SBF2: variants seen among roughly 807,000 people sequenced by gnomAD.
The protein encoded by SBF2 is SET binding factor 2, also known as myotubularin-related protein 13.
SBF2 carries 112 observed loss-of-function variants against 225.2 expected under a neutral mutation model. The observed-to-expected ratio is 0.50, with a 90% CI of 0.43 to 0.58. SBF2 has a LOEUF of 0.58. SBF2 is among the 20% of genes least tolerant of loss of function. The probability of loss-of-function intolerance (pLI) is 0.00; values close to 1 mark genes in which losing one functional copy is unlikely to be tolerated. For missense variants in SBF2, 1,996 were observed against 2,206.2 expected, an observed-to-expected ratio of 0.90 and a Z score of 1.91; for synonymous variants, 763 against 773.3, an observed-to-expected ratio of 0.99 and a Z score of 0.22.
intron 2 of SBF2, among the ~76,000 whole-genome samples, chr11:10,045,128 A>C (rs1019306124): frequency 6.6e-6 from 1 of 151,434 alleles, no homozygotes; most frequent in African/African-American, 2.4e-5. Flanking sequence ...GACTCAAGGA[A>C]CACAAAAAGG....
intron 16 of SBF2, chr11:9,959,907 G>A (rs934098455): frequency 2.2e-5 from 8 of 360,908 alleles, no homozygotes; most frequent in African/African-American, 1.3e-4. Flanking sequence ...TCCCATTCTC[G>A]GCTCTGCCTT....
rs1327909131 is a variant in SBF2, at chr11:9,958,824, C to T, written c.1860+3133G>A. The T allele has an allele frequency of 6.6e-5, 38 of 579,834 alleles. 1 individual carries two copies. Among genetic ancestry groups the T allele is most frequent in the East Asian group, 1.4e-4 (4 of 27,868 alleles). 35.9% of individuals were successfully genotyped at this position (579,834 alleles called of 1,614,324 possible). A position where few individuals can be genotyped will look rare whatever the true frequency, so the allele number is the denominator to read the frequency against. ...TCTGTCACCGAAAATGGGTCACAGT[C>T]GGCAGAGAGGCAATGATCTTCAAAG... is the stretch of plus-strand genomic sequence containing the variant. On this transcript the variant is annotated intron_variant, in intron 16 of 39. Coordinates refer to ENST00000256190, the MANE Select transcript of SBF2 (RefSeq NM_030962.4).
chr11:10,085,294 TA>T (rs1419968182), intron 2 of SBF2, among the ~76,000 whole-genome samples: 2 of 152,212 alleles, frequency 1.3e-5, no homozygotes, highest in East Asian at 3.8e-4. Context: ...ATTACATGAA[TA>T]TTACAGCCTT....
At chr11:9,831,980 A>G (rs755648111) in intron 27 of SBF2, among the ~76,000 whole-genome samples, 2 of 152,236 alleles carry the variant, frequency 1.3e-5, no homozygotes, top group East Asian at 3.8e-4. Flanking sequence ...AGACTTTATT[A>G]TATTAATTTC....
chr11:9,939,889 T>A (rs182609205), intron 16 of SBF2, among the ~76,000 whole-genome samples: 17 of 152,232 alleles, frequency 1.1e-4, no homozygotes, highest in African/African-American at 4.1e-4. Context: ...AACTGTGGAG[T>A]AAGTCATCCT....
chr11:9,861,956 G>A (rs985585988), intron 17 of SBF2, among the ~76,000 whole-genome samples: 1 of 152,182 alleles, frequency 6.6e-6, no homozygotes, highest in African/African-American at 2.4e-5. Flanking sequence ...GAGTGACAGT[G>A]GCCCAAAGGG....
At chr11:10,242,959 G>C (rs1165984324) in intron 1 of SBF2, among the ~76,000 whole-genome samples, 1 of 151,992 alleles carries the variant, frequency 6.6e-6, no homozygotes, top group East Asian at 1.9e-4. Context: ...TATCAAACTT[G>C]AACAACACTA....
At chr11:10,068,459 C>G (rs1364577372) in intron 2 of SBF2, among the ~76,000 whole-genome samples, 1 of 152,128 alleles carries the variant, frequency 6.6e-6, no homozygotes. Flanking sequence ...TCTCATTATT[C>G]AGACTCTAGC....
chr11:10,097,492 A>G (rs1952075401), intron 2 of SBF2, among the ~76,000 whole-genome samples: 1 of 152,222 alleles, frequency 6.6e-6, no homozygotes, highest in African/African-American at 2.4e-5. Context: ...ACGAAACAAA[A>G]TTAACAAAAT....
intron 2 of SBF2, among the ~76,000 whole-genome samples, chr11:10,048,470 TA>T (rs1288518069): frequency 6.6e-6 from 1 of 152,170 alleles, no homozygotes; most frequent in Non-Finnish European, 1.5e-5. Flanking sequence ...ACATTTGCAA[TA>T]AAAAAGTCAG....
intron 2 of SBF2, among the ~76,000 whole-genome samples, chr11:10,121,619 AT>A (rs1316753670): frequency 6.6e-6 from 1 of 152,202 alleles, no homozygotes; most frequent in African/African-American, 2.4e-5. Flanking sequence ...AAGACTGACA[AT>A]TTTTAGAAAC....
chr11:10,204,594 G>A (rs1366841451), intron 1 of SBF2, among the ~76,000 whole-genome samples: 1 of 151,318 alleles, frequency 6.6e-6, no homozygotes, highest in Non-Finnish European at 1.5e-5. Flanking sequence ...GGAGGCGGAG[G>A]TTGCAGTGAG....
chr11:10,247,443 G>A (rs1396641484), intron 1 of SBF2, among the ~76,000 whole-genome samples: 3 of 151,812 alleles, frequency 2.0e-5, no homozygotes, highest in Admixed American at 6.6e-5. Context: ...CATTTTGGGA[G>A]GCCGAGGTGG....
chr11:10,297,733 C>G (rs965198026), upstream of SBF2, among the ~76,000 whole-genome samples: 1 of 152,186 alleles, frequency 6.6e-6, no homozygotes, highest in African/African-American at 2.4e-5. Flanking sequence ...ACTTCCAGTC[C>G]ATTTGCAAAT....
chr11:10,037,516 G>T (rs1450111071), intron 3 of SBF2, among the ~76,000 whole-genome samples: 1 of 151,802 alleles, frequency 6.6e-6, no homozygotes, highest in Non-Finnish European at 1.5e-5. Flanking sequence ...AGGAACTAAG[G>T]TTTTTCCAAT....
intron 17 of SBF2, among the ~76,000 whole-genome samples, chr11:9,892,914 G>GTTTGATT (rs1439814527): frequency 1.3e-5 from 2 of 152,234 alleles, no homozygotes; most frequent in East Asian, 3.9e-4. Context: ...TTGTGGACCA[G>GTTTGATT]TTTGATTTTT....
At chr11:10,250,244 G>C (rs1960217325) in intron 1 of SBF2, among the ~76,000 whole-genome samples, 1 of 152,108 alleles carries the variant, frequency 6.6e-6, no homozygotes. Flanking sequence ...TATACAATTT[G>C]AACTCCATGG....
chr11:9,965,363 A>C (rs11826708), intron 14 of SBF2, among the ~76,000 whole-genome samples: 1 of 142,880 alleles, frequency 7.0e-6, no homozygotes, highest in African/African-American at 2.6e-5. Context: ...GTGCAATGGC[A>C]CGATCTCGGC....
At chr11:9,822,143 A>G (rs934476846) in intron 28 of SBF2, among the ~76,000 whole-genome samples, 3 of 152,238 alleles carry the variant, frequency 2.0e-5, no homozygotes, top group African/African-American at 2.4e-5. Flanking sequence ...TAACTACCTT[A>G]AAAGTCTATA....
Sources: gnomAD v4.1 joint callset for allele counts (sites outside exome capture counted in the v4.1 genomes callset) on GRCh38, gnomAD v4.1.1 for gene constraint, MANE v1.5 for transcripts, NCBI Gene and HGNC (gene_info 2026-07-23, HGNC 2026-07-21) for gene names.